KDM2B: variants seen among roughly 807,000 people sequenced by gnomAD.
The protein encoded by KDM2B is lysine-specific demethylase 2B.
Under a neutral mutation model 150.0 loss-of-function variants are expected in KDM2B, and 26 were observed. The observed-to-expected ratio is 0.17, with a 90% CI of 0.13 to 0.24. The LOEUF is 0.24. Ranked by LOEUF, KDM2B falls within the 10% of genes least tolerant of loss-of-function variation. The probability of loss-of-function intolerance (pLI) is 1.00; values close to 1 mark genes in which losing one functional copy is unlikely to be tolerated. For synonymous variants in KDM2B, 734 were observed against 729.5 expected (o/e 1.01, Z -0.10); for missense variants, 1,265 against 1,816.9 (o/e 0.70, Z 5.52).
intron 12 of KDM2B, among the ~76,000 whole-genome samples, chr12:121,465,898 G>A (rs782772884): frequency 2.0e-5 from 3 of 152,284 alleles, no homozygotes; most frequent in Admixed American, 1.3e-4. Context: ...CCATTCACAC[G>A]TAGGGCTACT....
chr12:121,503,295 T>G (rs1198512547), intron 11 of KDM2B, among the ~76,000 whole-genome samples: 1 of 151,474 alleles, frequency 6.6e-6, no homozygotes, highest in Non-Finnish European at 1.5e-5. Flanking sequence ...TTTTGTTTTT[T>G]TTTTTTCTTT....
chr12:121,539,803 G>T (rs1888457428), intron 6 of KDM2B, among the ~76,000 whole-genome samples: 2 of 152,112 alleles, frequency 1.3e-5, no homozygotes, highest in African/African-American at 4.8e-5. Context: ...GGAGTGGCAT[G>T]ATCTCAGCGC....
At chr12:121,471,799 G>A (rs1265317885) in intron 12 of KDM2B, among the ~76,000 whole-genome samples, 7 of 152,046 alleles carry the variant, frequency 4.6e-5, no homozygotes, top group African/African-American at 1.7e-4. Flanking sequence ...GACCAATGAC[G>A]GGCTGGTACC....
intron 12 of KDM2B, among the ~76,000 whole-genome samples, chr12:121,493,482 G>A (rs1042233067): frequency 3.9e-5 from 6 of 152,108 alleles, no homozygotes; most frequent in Non-Finnish European, 7.4e-5. Context: ...GCAGACGGAT[G>A]GTACAGAGAT....
the KDM2B span, chr12:121,420,211 T>A: frequency 3.7e-6 from 6 of 1,602,614 alleles, no homozygotes; most frequent in Admixed American, 8.3e-5. Context: ...GATTGATTCC[T>A]GACCTAATCA....
chr12:121,448,042 G>A (rs1876570253), intron 13 of KDM2B, among the ~76,000 whole-genome samples: 1 of 152,062 alleles, frequency 6.6e-6, no homozygotes, highest in Non-Finnish European at 1.5e-5. Context: ...TTCTTGGCCA[G>A]GAGTGATAGC....
At chr12:121,473,446 G>A (rs1462711176) in intron 12 of KDM2B, among the ~76,000 whole-genome samples, 1 of 150,586 alleles carries the variant, frequency 6.6e-6, no homozygotes, top group African/African-American at 2.4e-5. Context: ...GGCTGGGCTC[G>A]GGTGGCTCAT....
At chr12:121,443,114 CCA>C (rs1593751165) in intron 17 of KDM2B, 84 bp from the exon 18 acceptor site, 17 of 1,338,794 alleles carry the variant, frequency 1.3e-5, no homozygotes, top group Admixed American at 2.0e-5. Flanking sequence ...CACCACGAGT[CCA>C]CAGTCTCCAG....
chr12:121,477,393 ATTTT>A (rs1163397154), intron 12 of KDM2B, among the ~76,000 whole-genome samples: 2 of 151,674 alleles, frequency 1.3e-5, no homozygotes, highest in Non-Finnish European at 2.9e-5. Context: ...ATATGTATTT[ATTTT>A]TTTAAGAGAC....
intron 4 of KDM2B, among the ~76,000 whole-genome samples, chr12:121,571,891 T>C (rs1891121588): frequency 6.6e-6 from 1 of 152,014 alleles, no homozygotes; most frequent in African/African-American, 2.4e-5. Flanking sequence ...GACCTTGTGA[T>C]TCGCCCGCGT....
At chr12:121,563,670 G>A (rs544351552) in intron 4 of KDM2B, among the ~76,000 whole-genome samples, 4 of 151,946 alleles carry the variant, frequency 2.6e-5, no homozygotes, top group South Asian at 4.1e-4. Context: ...TGTAATCCCA[G>A]CACTTTAGGA....
chr12:121,517,922 C>T (rs183743426), intron 9 of KDM2B, among the ~76,000 whole-genome samples: 9 of 151,386 alleles, frequency 5.9e-5, no homozygotes, highest in African/African-American at 1.5e-4. Context: ...GATGGAGTTT[C>T]GCTCTTGTTG....
At chr12:121,414,741 C>T in the KDM2B span, among the ~76,000 whole-genome samples, 11 of 151,622 alleles carry the variant, frequency 7.3e-5, no homozygotes, top group African/African-American at 1.7e-4. Context: ...GGCTTGATCT[C>T]GGATCACAAC....
At chr12:121,517,764 G>A (rs782496890) in intron 9 of KDM2B, among the ~76,000 whole-genome samples, 8 of 148,576 alleles carry the variant, frequency 5.4e-5, no homozygotes, top group Admixed American at 1.3e-4. Flanking sequence ...AGCCACCGGC[G>A]CCTGGCCAGG....
intron 22 of KDM2B, among the ~76,000 whole-genome samples, chr12:121,433,997 A>G (rs577366835): frequency 6.6e-6 from 1 of 150,732 alleles, no homozygotes; most frequent in African/African-American, 2.4e-5. Flanking sequence ...TGAGCAACAT[A>G]GCAAAAGCCT....
In KDM2B at chr12:121,518,035, G is replaced by A. The variant is rs1180169094; in HGVS notation, c.1047+2950C>T. Among the ~76,000 whole-genome samples, 1 of 151,472 alleles carries A rather than the reference G, an allele frequency of 6.6e-6. No individual in the cohort carries two copies. The highest frequency in any genetic ancestry group is 1.5e-5 in the Non-Finnish European group (1 of 67,894). Reference sequence around the variant, plus strand: ...AGCCTCCTGAGTAGCTGGGATTACAGGCACACACCACCATGCTCGGCTAAT... The same window carrying A: ...AGCCTCCTGAGTAGCTGGGATTACAAGCACACACCACCATGCTCGGCTAAT... On this transcript the variant is annotated intron_variant, in intron 9 of 22. Transcript: ENST00000377071. The surrounding 1 kb of genome is among the most constrained non-coding windows in gnomAD (Gnocchi z 4.4).
At chr12:121,540,857 G>T (rs1190312811) in intron 6 of KDM2B, among the ~76,000 whole-genome samples, 4 of 151,836 alleles carry the variant, frequency 2.6e-5, no homozygotes, top group African/African-American at 9.7e-5. Flanking sequence ...CATCCACTGT[G>T]GGCTCTGTCT....
At position 121,442,257 on chromosome 12, in the gene KDM2B, C is replaced by T; in HGVS notation, c.3184G>A (p.Ala1062Thr). The T allele has an allele frequency of 6.2e-7, 1 of 1,612,842 alleles. No individual in the cohort carries two copies. The highest frequency in any genetic ancestry group is 8.5e-7 in the Non-Finnish European group (1 of 1,179,568). Reference protein sequence around the residue: ...PDSLPLDDGAAHVMHREVWMA... With the variant: ...PDSLPLDDGATHVMHREVWMA... ...CACACCTCCCTGTGCATGACGTGGG[C>T]TGCCCCATCGTCCAGGGGTAGCGAG... is the stretch of plus-strand genomic sequence containing the variant. Residue 1062 changes from alanine (A) to threonine (T), a missense_variant, in exon 19 of 23, where the codon GCC (alanine) becomes ACC (threonine). By Grantham distance (58) the Ala-to-Thr change is moderately conservative. Coordinates refer to ENST00000377071, the MANE Select transcript of KDM2B (RefSeq NM_032590.5). This position sits in a 1 kb window ranked among gnomAD's most constrained non-coding sequence, Gnocchi z 7.7.
chr12:121,556,761 A>G (rs1427589015), intron 4 of KDM2B, among the ~76,000 whole-genome samples: 1 of 151,826 alleles, frequency 6.6e-6, no homozygotes, highest in Non-Finnish European at 1.5e-5. Flanking sequence ...CTGAGGCAGG[A>G]GAATCACTTG....
Sources: allele counts gnomAD v4.1 joint callset (sites outside exome capture counted in the v4.1 genomes callset), GRCh38; gene constraint gnomAD v4.1.1; non-coding constraint Gnocchi (gnomAD v3.1); transcripts MANE v1.5; gene names NCBI Gene and HGNC (gene_info 2026-07-23, HGNC 2026-07-21).